Variants in CD207 observed in about 807,000 individuals in gnomAD.
The protein encoded by CD207 is CD207 molecule.
CD207 carries 28 observed loss-of-function variants against 31.6 expected under a neutral mutation model. The ratio of observed to expected loss-of-function variants is 0.89; its 90% CI spans 0.66 to 1.21. The LOEUF is 1.21. CD207 is among the 50% of genes most tolerant of loss of function. CD207 has a pLI of 0.00. For synonymous variants in CD207, 168 were observed against 153.9 expected, an observed-to-expected ratio of 1.09 and a Z score of -0.68; for missense variants, 388 against 397.8, an observed-to-expected ratio of 0.98 and a Z score of 0.21.
In CD207 at chr2:70,832,973, G is replaced by A; in HGVS notation, c.644C>T (p.Thr215Ile). 1 of 1,613,942 alleles carries A rather than the reference G, an allele frequency of 6.2e-7. No individual in the cohort carries two copies. Among genetic ancestry groups the A allele is most frequent in the Non-Finnish European group, 8.5e-7 (1 of 1,179,824 alleles). Reference protein sequence around the residue: ...NFYYFSLIPKTWYSAEQFCVS... With the variant: ...NFYYFSLIPKIWYSAEQFCVS... ...ACAGAACTGCTCGGCACTATACCAG[G>A]TCTTTGGAATGAGAGAAAAGTAATA... The change falls in exon 4 of 6, where the codon ACC becomes ATC. Residue 215 changes from threonine (T) to isoleucine (I), a missense_variant. Thr to Ile is a moderately conservative substitution (Grantham distance 89). Transcript: ENST00000410009.
At chr2:70,825,447 A>G (rs1194445726), downstream of CD207, among the ~76,000 whole-genome samples, 2 of 152,204 alleles carry the variant, frequency 1.3e-5, no homozygotes, top group Non-Finnish European at 2.9e-5. Flanking sequence ...GATGTTAACA[A>G]TCGGGGAAAT....
chr2:70,824,758 A>G, the CD207 span, among the ~76,000 whole-genome samples: 1 of 152,182 alleles, frequency 6.6e-6, no homozygotes, highest in African/African-American at 2.4e-5. Context: ...ATAGTATTGG[A>G]TTATAACCCA....
In CD207 at chr2:70,832,907, C is replaced by T. The variant is rs2104701786; in HGVS notation, c.710G>A (p.Ser237Asn). The T allele has an allele frequency of 1.2e-6, 2 of 1,613,530 alleles. No homozygotes were observed. Among genetic ancestry groups the T allele is most frequent in the East Asian group, 4.5e-5 (2 of 44,890 alleles). Residue 237 changes from serine (S) to asparagine (N), a missense_variant, in exon 4 of 6, where the codon AGT (serine) becomes AAT (asparagine). Coordinates refer to ENST00000410009, the MANE Select transcript of CD207 (RefSeq NM_015717.5). ...CATAGGCACAGCACTCACCTGCTCA[C>T]TCTCTGAGGTCACCGAGGTCAGGTG... ...NSHLTSVTSE[S>N]EQEFLYKTAG...
At chr2:70,826,601 A>G (rs1553398937), downstream of CD207, among the ~76,000 whole-genome samples, 1 of 151,852 alleles carries the variant, frequency 6.6e-6, no homozygotes, top group East Asian at 1.9e-4. Flanking sequence ...CAGATCTTCA[A>G]CTCCTGGCCT....
chr2:70,828,003 G>GA (rs1186974568), downstream of CD207, among the ~76,000 whole-genome samples: 34 of 150,208 alleles, frequency 2.3e-4, no homozygotes, highest in East Asian at 1.2e-3. Context: ...TGCCAAATCA[G>GA]AAAAAAAAAG....
chr2:70,834,062 A>T (rs781819743), intron 2 of CD207, 42 bp from the exon 3 acceptor site: 1 of 1,473,446 alleles, frequency 6.8e-7, no homozygotes, highest in Non-Finnish European at 9.0e-7. Flanking sequence ...GGGGAGTCCC[A>T]GGGACAGGAG....
At chr2:70,828,796 G>A (rs1216209100), downstream of CD207, among the ~76,000 whole-genome samples, 3 of 152,150 alleles carry the variant, frequency 2.0e-5, no homozygotes, top group Admixed American at 1.3e-4. Context: ...CTCCCAAGTA[G>A]TTGGAATTAC....
chr2:70,835,663 C>T, intron 1 of CD207, 41 bp downstream of exon 1: 1 of 1,611,198 alleles, frequency 6.2e-7, no homozygotes, highest in Non-Finnish European at 8.5e-7. Context: ...CAGGTTTGCA[C>T]ACAGAACACG....
At chr2:70,835,308 G>A (rs1437479484) in intron 2 of CD207, among the ~76,000 whole-genome samples, 183 bp downstream of exon 2, 1 of 152,226 alleles carries the variant, frequency 6.6e-6, no homozygotes, top group Non-Finnish European at 1.5e-5. Context: ...GAGGGAAAGA[G>A]CATCAGCTCA....
chr2:70,833,022 A>G lies in CD207; in HGVS notation c.595T>C (p.Trp199Arg). 6.2e-7 allele frequency: 1 copy of G among 1,614,014 alleles called. No individual in the cohort carries two copies. Among genetic ancestry groups the G allele is most frequent in the Non-Finnish European group, 8.5e-7 (1 of 1,179,868 alleles). The change falls in exon 4 of 6, where the codon TGG (tryptophan) becomes CGG (arginine). Residue 199 changes from tryptophan (W) to arginine (R), a missense_variant. Coordinates refer to ENST00000410009, the MANE Select transcript of CD207 (RefSeq NM_015717.5). Reference sequence around the variant, plus strand: ...TAGAAGTTCCCCTTGAAGTACTTCCAGCCTTGAGAAACCACCTGTAGAATA... The same window carrying G: ...TAGAAGTTCCCCTTGAAGTACTTCCGGCCTTGAGAAACCACCTGTAGAATA... ...NDILQVVSQG[W>R]KYFKGNFYYF...
chr2:70,828,579 A>T (rs1553399194), downstream of CD207, among the ~76,000 whole-genome samples: 1 of 152,224 alleles, frequency 6.6e-6, no homozygotes, highest in African/African-American at 2.4e-5. Flanking sequence ...GAACGGGAGC[A>T]GCCGGAGCCC....
Position 70,832,889 on chromosome 2 carries a change from A to T in CD207, c.717+11T>A. On this transcript the variant is annotated intron_variant, in intron 4 of 5. Transcript: ENST00000410009. ...CGCCCCCTTCACAGAGCCCATAGGC[A>T]CAGCACTCACCTGCTCACTCTCTGA... 1 of 1,609,990 alleles carries T rather than the reference A, an allele frequency of 6.2e-7. No homozygotes were observed. Among genetic ancestry groups the T allele is most frequent in the Non-Finnish European group, 8.5e-7 (1 of 1,177,410 alleles).
In CD207 at chr2:70,835,344, T is replaced by C. The variant is rs553360521; in HGVS notation, c.190+147A>G. Reference sequence around the variant, plus strand: ...CCGTACTGGGGGCAGCACAGCCTGTTACTGCACATGGAAAGAGGAGGAAGG... The same window carrying C: ...CCGTACTGGGGGCAGCACAGCCTGTCACTGCACATGGAAAGAGGAGGAAGG... On this transcript the variant is annotated intron_variant, in intron 2 of 5. Transcript: ENST00000410009. 2.1e-5 allele frequency: 14 copies of C among 678,196 alleles called. No individual in the cohort carries two copies. The Admixed American group carries it at 2.7e-4, about 13-fold the overall frequency. 42.0% of individuals were successfully genotyped at this position (678,196 alleles called of 1,614,324 possible). A position where few individuals can be genotyped will look rare whatever the true frequency, so the allele number is the denominator to read the frequency against.
Position 70,833,659 on chromosome 2 carries a change from C to G in CD207, c.552G>C (p.Leu184Phe). 2 of 1,609,872 alleles carry G rather than the reference C, an allele frequency of 1.2e-6. No individual in the cohort carries two copies. Among genetic ancestry groups the G allele is most frequent in the Non-Finnish European group, 1.7e-6 (2 of 1,177,626 alleles). ...LQGSLENMSK[L>F]LKRQNDILQV... ...TGAGTCACTTACTTTGTCGTTTGAG[C>G]AACTTGCTCATATTCTCCAAGCTGC... The change falls in exon 3 of 6, where the codon TTG (leucine) becomes TTC (phenylalanine). Residue 184 changes from leucine (L) to phenylalanine (F), a missense_variant. By Grantham distance (22) the Leu-to-Phe change is conservative. Coordinates refer to ENST00000410009, the MANE Select transcript of CD207 (RefSeq NM_015717.5).
At chr2:70,827,263 A>G (rs1433771466), downstream of CD207, among the ~76,000 whole-genome samples, 1 of 152,226 alleles carries the variant, frequency 6.6e-6, no homozygotes, top group Non-Finnish European at 1.5e-5. Context: ...TCCTTTTTGA[A>G]AACACACTGA....
downstream of CD207, among the ~76,000 whole-genome samples, chr2:70,827,027 C>T (rs1269976009): frequency 6.6e-6 from 1 of 152,150 alleles, no homozygotes; most frequent in Non-Finnish European, 1.5e-5. Flanking sequence ...TGCCTGTCCC[C>T]TGCTTCACCT....
At chr2:70,832,323 C>G (rs1677496199) in intron 4 of CD207, among the ~76,000 whole-genome samples, 1 of 152,208 alleles carries the variant, frequency 6.6e-6, no homozygotes, top group Non-Finnish European at 1.5e-5. Context: ...GGTTCAGGCT[C>G]TAGAACTACG....
chr2:70,831,678 C>T (rs781971155), intron 5 of CD207, 23 bp downstream of exon 5: 3 of 1,449,268 alleles, frequency 2.1e-6, no homozygotes, highest in South Asian at 2.3e-5. Flanking sequence ...GTCAGGCTGG[C>T]ACGGAGGGCT....
chr2:70,829,195 C>G (rs1677412405), downstream of CD207, among the ~76,000 whole-genome samples: 1 of 152,218 alleles, frequency 6.6e-6, no homozygotes, highest in South Asian at 2.1e-4. Flanking sequence ...CCCCGACCAG[C>G]CTTGTTCTTG....
Sources: gnomAD v4.1 joint callset for allele counts (sites outside exome capture counted in the v4.1 genomes callset) on GRCh38, gnomAD v4.1.1 for gene constraint, MANE v1.5 for transcripts, NCBI Gene and HGNC (gene_info 2026-07-23, HGNC 2026-07-21) for gene names.